CACNA1E: variants seen among roughly 807,000 people sequenced by gnomAD.
CACNA1E encodes calcium voltage-gated channel subunit alpha1 E.
CACNA1E carries 40 observed loss-of-function variants against 259.2 expected under a neutral mutation model. The ratio of observed to expected loss-of-function variants is 0.15; its 90% confidence interval spans 0.12 to 0.20. CACNA1E has a LOEUF of 0.20. Among genes scored for constraint, CACNA1E ranks in the 10% least tolerant of loss-of-function variants. The pLI is 1.00. For missense variants in CACNA1E, 1,874 were observed against 3,040.1 expected, an observed-to-expected ratio of 0.62 and a Z score of 9.02; for synonymous variants, 1,104 against 1,138.5, an observed-to-expected ratio of 0.97 and a Z score of 0.61.
chr1:181,727,210 G>C (rs1043540101), intron 18 of CACNA1E, among the ~76,000 whole-genome samples: 1 of 152,222 alleles, frequency 6.6e-6, no homozygotes, highest in Non-Finnish European at 1.5e-5. Context: ...ATGACCCAGA[G>C]ACCCAGCTGC....
intron 6 of CACNA1E, among the ~76,000 whole-genome samples, chr1:181,607,538 T>C (rs1461637967): frequency 6.6e-6 from 1 of 152,198 alleles, no homozygotes; most frequent in African/African-American, 2.4e-5. Context: ...TATGACAGCC[T>C]AAGAGCTGGG....
At chr1:181,675,501 G>A (rs957840185) in intron 7 of CACNA1E, among the ~76,000 whole-genome samples, 48 of 152,226 alleles carry the variant, frequency 3.2e-4, no homozygotes, top group Admixed American at 1.3e-3. Flanking sequence ...TAAGAGAAGG[G>A]GATGGGGAAG....
At chr1:181,604,232 C>T (rs1007920298) in intron 6 of CACNA1E, among the ~76,000 whole-genome samples, 1 of 152,246 alleles carries the variant, frequency 6.6e-6, no homozygotes, top group African/African-American at 2.4e-5. Context: ...TGGGGTCCCA[C>T]TCACCACCAG....
chr1:181,566,821 G>A (rs1321054141), intron 3 of CACNA1E, among the ~76,000 whole-genome samples: 1 of 152,178 alleles, frequency 6.6e-6, no homozygotes, highest in African/African-American at 2.4e-5. Context: ...TTCACCTATA[G>A]CAGTGGTTCT....
chr1:181,371,210 T>C (rs1654689405), intron 1 of CACNA1E, among the ~76,000 whole-genome samples: 1 of 152,234 alleles, frequency 6.6e-6, no homozygotes, highest in African/African-American at 2.4e-5. Flanking sequence ...TTTCTCATTT[T>C]GTAGGTTGTC....
chr1:181,470,773 C>T (rs186893237), intron 2 of CACNA1E, among the ~76,000 whole-genome samples: 3 of 152,158 alleles, frequency 2.0e-5, no homozygotes, highest in African/African-American at 7.2e-5. Context: ...AGCTTTGGGC[C>T]TACTGCTTGG....
chr1:181,781,067 C>T (rs1660384893), intron 38 of CACNA1E, among the ~76,000 whole-genome samples: 2 of 152,054 alleles, frequency 1.3e-5, no homozygotes, highest in South Asian at 4.2e-4. Flanking sequence ...ACAGGGAAGT[C>T]AGGGGAATGC....
At chr1:181,583,671 A>T (rs1314866602) in intron 6 of CACNA1E, among the ~76,000 whole-genome samples, 1 of 151,948 alleles carries the variant, frequency 6.6e-6, no homozygotes, top group Admixed American at 6.6e-5. Context: ...TATTAACTTC[A>T]TTTGCTTGTG....
At chr1:181,537,088 T>C (rs1421380563) in intron 3 of CACNA1E, among the ~76,000 whole-genome samples, 2 of 20,894 alleles carry the variant, frequency 9.6e-5, no homozygotes, top group Non-Finnish European at 1.4e-4. Context: ...TGGTTTCTTT[T>C]TCTTTTCTTT....
intron 11 of CACNA1E, 128 bp from the exon 12 acceptor site, chr1:181,717,927 G>A: frequency 1.6e-6 from 1 of 614,458 alleles, no homozygotes; most frequent in Admixed American, 2.7e-5. Context: ...TCCAGCCCTG[G>A]CCTGATGTGG....
At chr1:181,416,324 A>C (rs1658274550) in intron 2 of CACNA1E, among the ~76,000 whole-genome samples, 1 of 152,176 alleles carries the variant, frequency 6.6e-6, no homozygotes, top group Admixed American at 6.5e-5. Context: ...GCATTTCTGC[A>C]AGTTGTTTCT....
intron 1 of CACNA1E, among the ~76,000 whole-genome samples, chr1:181,337,125 C>CT (rs991412073): frequency 6.6e-6 from 1 of 150,708 alleles, no homozygotes; most frequent in Non-Finnish European, 1.5e-5. Context: ...TACATAGTTC[C>CT]TTTTTTGTGT....
At chr1:181,662,596 GA>G (rs1193346728) in intron 7 of CACNA1E, among the ~76,000 whole-genome samples, 2 of 152,204 alleles carry the variant, frequency 1.3e-5, no homozygotes, top group Non-Finnish European at 2.9e-5. Context: ...CCGGGGAAAT[GA>G]AATCAGATAA....
chr1:181,322,903 C>A (rs914193425), intron 1 of CACNA1E, among the ~76,000 whole-genome samples: 1 of 152,216 alleles, frequency 6.6e-6, no homozygotes, highest in African/African-American at 2.4e-5. Flanking sequence ...GAGGGCACAG[C>A]CCCTGGGAGC....
intron 15 of CACNA1E, 26 bp downstream of exon 15, chr1:181,720,881 A>C (rs1294366523): frequency 2.0e-6 from 3 of 1,475,822 alleles, no homozygotes; most frequent in Non-Finnish European, 2.8e-6. Context: ...ACGGTTCACA[A>C]GTGCTGCATG....
At chr1:181,596,151 C>T (rs930531486) in intron 6 of CACNA1E, among the ~76,000 whole-genome samples, 4 of 152,140 alleles carry the variant, frequency 2.6e-5, no homozygotes, top group East Asian at 1.9e-4. Flanking sequence ...CACAACGTGG[C>T]TTATTTTCCT....
chr1:181,735,513 T>C (rs1655954948), intron 21 of CACNA1E, among the ~76,000 whole-genome samples: 1 of 152,194 alleles, frequency 6.6e-6, no homozygotes, highest in African/African-American at 2.4e-5. Context: ...TGTGACAGCT[T>C]CAGCCTCCTG....
chr1:181,450,747 A>T (rs1018601415), intron 2 of CACNA1E, among the ~76,000 whole-genome samples: 2 of 152,184 alleles, frequency 1.3e-5, no homozygotes, highest in Non-Finnish European at 2.9e-5. Context: ...TAGTTTCATG[A>T]TCAAATTTGG....
rs1382276513 is a variant in CACNA1E, at chr1:181,363,934, G to T, written c.-15+45811G>T. On this transcript the variant is annotated intron_variant, in intron 1 of 11. Coordinates refer to the CACNA1E transcript ENST00000524607. ...CACCAGAGTTAGAAGTCTGAACTTG[G>T]TCCTCTGTTCACCATAAGCCCTTAT... 2.0e-5 allele frequency among the ~76,000 whole-genome samples: 3 copies of T among 152,164 alleles called. No individual in the cohort carries two copies. The East Asian group carries it at 5.8e-4, about 29-fold the overall frequency.
Sources: gnomAD v4.1 joint callset for allele counts (sites outside exome capture counted in the v4.1 genomes callset) on GRCh38, gnomAD v4.1.1 for gene constraint, MANE v1.5 for transcripts, NCBI Gene and HGNC (gene_info 2026-07-23, HGNC 2026-07-21) for gene names.